PDK1: variants seen among roughly 807,000 people sequenced by gnomAD.
The protein encoded by PDK1 is pyruvate dehydrogenase kinase 1.
A neutral mutation model predicts 54.2 loss-of-function variants in PDK1; 39 were observed. The ratio of observed to expected loss-of-function variants is 0.72; its 90% CI spans 0.56 to 0.94. The LOEUF (loss-of-function observed/expected upper bound fraction) is 0.94. Ranked by LOEUF, PDK1 falls within the 40% of genes least tolerant of loss-of-function variation. PDK1 has a pLI of 0.00. For synonymous variants in PDK1, 221 were observed against 207.1 expected, an observed-to-expected ratio of 1.07 and a Z score of -0.58; for missense variants, 552 against 566.0, an observed-to-expected ratio of 0.98 and a Z score of 0.25.
chr2:172,635,791 C>G, the PDK1 span, among the ~76,000 whole-genome samples: 3 of 152,208 alleles, frequency 2.0e-5, no homozygotes, highest in African/African-American at 7.2e-5. Flanking sequence ...ACCTCACACA[C>G]CAACCCAGTA....
At chr2:172,672,605 G>C in the PDK1 span, among the ~76,000 whole-genome samples, 1 of 150,676 alleles carries the variant, frequency 6.6e-6, no homozygotes, top group Non-Finnish European at 1.5e-5. Context: ...AAGTCCATCA[G>C]TATCATTTTT....
chr2:172,630,923 C>T, the PDK1 span, among the ~76,000 whole-genome samples: 1 of 152,212 alleles, frequency 6.6e-6, no homozygotes, highest in Admixed American at 6.5e-5. Flanking sequence ...AGCCACTGCG[C>T]TCAGCCACCC....
At chr2:172,718,154 A>G in the PDK1 span, among the ~76,000 whole-genome samples, 1 of 152,216 alleles carries the variant, frequency 6.6e-6, no homozygotes. Flanking sequence ...AAAATTTGTA[A>G]TCATAAAAAT....
At chr2:172,558,913 A>G in intron 2 of PDK1, 64 bp downstream of exon 2, 1 of 1,468,580 alleles carries the variant, frequency 6.8e-7, no homozygotes, top group Non-Finnish European at 9.3e-7. Flanking sequence ...GGTTACAGCA[A>G]ATGCTTTTTT....
chr2:172,587,545 C>G (rs900887127), intron 9 of PDK1, among the ~76,000 whole-genome samples: 1 of 152,026 alleles, frequency 6.6e-6, no homozygotes, highest in South Asian at 2.1e-4. Context: ...GTGAGTGTTA[C>G]AGCTCATAAA....
chr2:172,650,656 C>CA, the PDK1 span, among the ~76,000 whole-genome samples: 1,088 of 149,126 alleles, frequency 7.3e-3, 19 homozygotes, highest in African/African-American at 0.025. Flanking sequence ...AAATGGAAAA[C>CA]AAAAAAAAAG....
chr2:172,652,362 A>T, the PDK1 span, among the ~76,000 whole-genome samples: 1 of 152,220 alleles, frequency 6.6e-6, no homozygotes, highest in Non-Finnish European at 1.5e-5. Flanking sequence ...AGCCAATATC[A>T]TACTGAATGG....
chr2:172,614,172 ACC>A, the PDK1 span, among the ~76,000 whole-genome samples: 3,149 of 133,380 alleles, frequency 0.024, 119 homozygotes, highest in African/African-American at 0.077. Context: ...CCCAGGAAGG[ACC>A]CCCCCCCCCA....
chr2:172,689,015 C>A, the PDK1 span, among the ~76,000 whole-genome samples: 28,835 of 152,130 alleles, frequency 0.19, 3,325 homozygotes, highest in African/African-American at 0.32. Context: ...TGAAGAGTGA[C>A]AGAACAAAGC....
the PDK1 span, among the ~76,000 whole-genome samples, chr2:172,720,096 TTCTC>T: frequency 1.7e-3 from 228 of 137,048 alleles, 24 homozygotes; most frequent in East Asian, 8.9e-3. Flanking sequence ...CAAAGAGCTT[TTCTC>T]TCTCTCTCTC....
the PDK1 span, among the ~76,000 whole-genome samples, chr2:172,638,316 C>A: frequency 6.6e-6 from 1 of 152,154 alleles, no homozygotes; most frequent in East Asian, 1.9e-4. Flanking sequence ...GTGAAGAAAA[C>A]AAATTAAAAT....
At chr2:172,723,784 A>G in the PDK1 span, 2 of 152,226 alleles carry the variant, frequency 1.3e-5, no homozygotes, top group Non-Finnish European at 2.9e-5. Context: ...TAGGTGTTGT[A>G]GTACTTAGAG....
At chr2:172,585,408 C>T (rs1225738515) in intron 8 of PDK1, among the ~76,000 whole-genome samples, 1 of 146,606 alleles carries the variant, frequency 6.8e-6, no homozygotes, top group Non-Finnish European at 1.5e-5. Flanking sequence ...TCACTGTGAC[C>T]TCCATCTCCT....
At chr2:172,583,368 C>T (rs1690029190) in intron 8 of PDK1, among the ~76,000 whole-genome samples, 1 of 136,852 alleles carries the variant, frequency 7.3e-6, no homozygotes, top group Non-Finnish European at 1.5e-5. Context: ...ACAACCTTGG[C>T]TCACTGCAAC....
chr2:172,639,537 C>T, the PDK1 span, among the ~76,000 whole-genome samples: 9 of 152,190 alleles, frequency 5.9e-5, no homozygotes, highest in African/African-American at 2.2e-4. Context: ...AAGCACCTAA[C>T]ATAAAACCAC....
rs963212256 is a variant in PDK1, at chr2:172,556,330, G to A, written c.180G>A (p.Lys60=). 1.2e-5 allele frequency: 18 copies of A among 1,475,104 alleles called. No homozygotes were observed. The African/African-American group carries it at 2.4e-4, about 19-fold the overall frequency. The allele number at this position is 1,475,104 out of a possible 1,614,324, so 91.4% of individuals were successfully genotyped here. A position where few individuals can be genotyped will look rare whatever the true frequency, so the allele number is the denominator to read the frequency against. ...ARFSPSPLSM[K]QFLDFGSVNA... The stretch of plus-strand genomic sequence containing the variant: ...TCTCGCCGTCCCCGCTCTCCATGAA[G>A]CAGTTCCTGGACTTCGGTGAGTGCG... The change falls in exon 1 of 11, where the codon AAG becomes AAA. Residue 60 remains lysine, a synonymous_variant. Transcript: ENST00000282077.
At chr2:172,556,033 G>A (rs1688293900), upstream of PDK1, 7 of 718,474 alleles carry the variant, frequency 9.7e-6, no homozygotes, top group South Asian at 1.3e-4. Context: ...GAGGGTGGGG[G>A]CCGCGCCGGT....
At chr2:172,592,891 G>A (rs374355797) in intron 9 of PDK1, 44 bp from the exon 10 acceptor site, 93 of 1,022,984 alleles carry the variant, frequency 9.1e-5, no homozygotes, top group Non-Finnish European at 1.4e-4. Context: ...AAGTATTTCA[G>A]TGTGTGTCTT....
the PDK1 span, among the ~76,000 whole-genome samples, chr2:172,711,832 C>T: frequency 1.5e-5 from 2 of 133,872 alleles, no homozygotes; most frequent in Non-Finnish European, 3.1e-5. Context: ...TACCATTGCA[C>T]TCCAGCCAGG....
Sources: allele counts gnomAD v4.1 joint callset (sites outside exome capture counted in the v4.1 genomes callset), GRCh38; gene constraint gnomAD v4.1.1; transcripts MANE v1.5; gene names NCBI Gene and HGNC (gene_info 2026-07-23, HGNC 2026-07-21).